The following PTPRN2 variants were observed in gnomAD, a reference collection of about 807,000 sequenced individuals.
The protein encoded by PTPRN2 is receptor-type tyrosine-protein phosphatase N2.
PTPRN2 carries 74 observed loss-of-function variants against 118.8 expected under a neutral mutation model. The ratio of observed to expected loss-of-function variants is 0.62; its 90% confidence interval spans 0.52 to 0.76. The LOEUF (loss-of-function observed/expected upper bound fraction) is 0.76. Among genes scored for constraint, PTPRN2 ranks in the 30% least tolerant of loss-of-function variants. The pLI is 0.00. For missense variants in PTPRN2, 1,481 were observed against 1,394.4 expected, an observed-to-expected ratio of 1.06 and a Z score of -0.99; for synonymous variants, 641 against 608.0, an observed-to-expected ratio of 1.05 and a Z score of -0.80.
intron 12 of PTPRN2, among the ~76,000 whole-genome samples, chr7:157,791,364 C>T (rs56914494): frequency 0.073 from 11,103 of 152,284 alleles, 1,309 homozygotes; most frequent in African/African-American, 0.24. Flanking sequence ...AATAAGCGCC[C>T]GCGTCCACAT....
At chr7:158,270,962 C>CA (rs1182318474) in intron 3 of PTPRN2, among the ~76,000 whole-genome samples, 2 of 39,472 alleles carry the variant, frequency 5.1e-5, no homozygotes, top group African/African-American at 1.2e-4. Flanking sequence ...TGGACCACCC[C>CA]TCCACCTGGA....
intron 12 of PTPRN2, among the ~76,000 whole-genome samples, chr7:157,804,042 T>A (rs572405369): frequency 1.3e-5 from 2 of 152,246 alleles, no homozygotes; most frequent in African/African-American, 2.4e-5. Context: ...ATAATATTGA[T>A]GTATCCTTAT....
At position 158,270,849 on chromosome 7, in the gene PTPRN2, ACCGCCCCC is replaced by A. The variant is rs1563067973; in HGVS notation, c.277+45962_277+45969del. ...CCACCTGGATGACCCCCTCACCTGG[ACCGCCCCC>A]CCACCTGGACCGCCCCCTCCACCTG... On this transcript the variant is annotated intron_variant, in intron 3 of 22. Transcript: ENST00000389418. 1.0e-3 allele frequency among the ~76,000 whole-genome samples: 8 copies of A among 7,852 alleles called. No individual in the cohort carries two copies. The Admixed American group carries it at 0.012, about 12-fold the overall frequency. The allele number at this position is 7,852 out of a possible 152,430, so 5.2% of individuals were successfully genotyped here.
chr7:158,149,369 A>T (rs1028010955), intron 6 of PTPRN2, among the ~76,000 whole-genome samples: 2 of 152,208 alleles, frequency 1.3e-5, no homozygotes, highest in African/African-American at 4.8e-5. Context: ...ATAAACTTAA[A>T]TCTAACCAGT....
At chr7:158,035,793 C>T (rs750259447) in intron 11 of PTPRN2, among the ~76,000 whole-genome samples, 1 of 152,268 alleles carries the variant, frequency 6.6e-6, no homozygotes, top group Non-Finnish European at 1.5e-5. Flanking sequence ...GTTGGAGGAA[C>T]CTTTCCAACA....
chr7:157,723,212 C>A (rs891370642), intron 12 of PTPRN2, among the ~76,000 whole-genome samples: 1 of 152,216 alleles, frequency 6.6e-6, no homozygotes, highest in Admixed American at 6.5e-5. Context: ...GGGGCCCTGA[C>A]GGACTGTCCC....
At chr7:157,643,145 A>G (rs1198436585) in intron 14 of PTPRN2, among the ~76,000 whole-genome samples, 2 of 152,256 alleles carry the variant, frequency 1.3e-5, no homozygotes, top group Non-Finnish European at 2.9e-5. Context: ...ACCATCTGTC[A>G]TACTAAAGAT....
intron 3 of PTPRN2, among the ~76,000 whole-genome samples, chr7:158,253,155 C>A (rs920620965): frequency 6.6e-6 from 1 of 152,194 alleles, no homozygotes; most frequent in African/African-American, 2.4e-5. Flanking sequence ...AATACATGAG[C>A]CTTTTCTTCT....
chr7:158,239,195 A>G (rs1391669298), intron 3 of PTPRN2, among the ~76,000 whole-genome samples: 1 of 152,220 alleles, frequency 6.6e-6, no homozygotes, highest in Admixed American at 6.5e-5. Flanking sequence ...TCCAAACAGC[A>G]GGATGGTGCA....
intron 12 of PTPRN2, among the ~76,000 whole-genome samples, chr7:157,717,028 G>T (rs971596951): frequency 8.0e-6 from 1 of 125,284 alleles, no homozygotes; most frequent in Non-Finnish European, 1.7e-5. Flanking sequence ...GCCTGGCCAC[G>T]TAGACTCTGC....
chr7:158,423,040 A>G (rs73520491), intron 2 of PTPRN2, among the ~76,000 whole-genome samples: 1 of 152,236 alleles, frequency 6.6e-6, no homozygotes, highest in Admixed American at 6.5e-5. Context: ...ACCCGAGACC[A>G]CAGGTGTTCC....
intron 2 of PTPRN2, among the ~76,000 whole-genome samples, chr7:158,412,254 A>T (rs1586610109): frequency 1.2e-5 from 1 of 81,846 alleles, no homozygotes; most frequent in Non-Finnish European, 2.3e-5. Flanking sequence ...CCATCTCAGC[A>T]CCCTCCTCAG....
intron 3 of PTPRN2, among the ~76,000 whole-genome samples, chr7:158,279,324 A>G (rs903519711): frequency 2.0e-5 from 3 of 152,140 alleles, no homozygotes; most frequent in Admixed American, 6.5e-5. Context: ...GACACAGAGC[A>G]CTGATGGGTG....
chr7:157,898,261 G>A (rs562568272), intron 12 of PTPRN2, among the ~76,000 whole-genome samples: 7 of 152,232 alleles, frequency 4.6e-5, no homozygotes, highest in Non-Finnish European at 1.0e-4. Context: ...CCAAATGTGC[G>A]TCCTTCGATA....
intron 12 of PTPRN2, among the ~76,000 whole-genome samples, chr7:157,695,916 A>G (rs1467754198): frequency 2.7e-5 from 4 of 150,878 alleles, no homozygotes; most frequent in East Asian, 2.0e-4. Flanking sequence ...AGCCCTCACC[A>G]TCTACCCATG....
intron 3 of PTPRN2, among the ~76,000 whole-genome samples, chr7:158,213,539 G>A (rs1332076466): frequency 2.6e-5 from 4 of 152,052 alleles, no homozygotes; most frequent in Admixed American, 6.6e-5. Context: ...AGTATAGGTC[G>A]CTGCAGAAAA....
intron 2 of PTPRN2, among the ~76,000 whole-genome samples, chr7:158,403,997 G>C (rs1159752642): frequency 6.6e-6 from 1 of 152,206 alleles, no homozygotes. Flanking sequence ...AGAAAAGGAA[G>C]TCCATTAGGA....
chr7:158,376,323 CCT>C (rs1188304808), intron 2 of PTPRN2, among the ~76,000 whole-genome samples: 22 of 151,054 alleles, frequency 1.5e-4, no homozygotes, highest in African/African-American at 5.1e-4. Context: ...CCCCCACGGC[CCT>C]GTCACACGTC....
chr7:157,769,405 G>T (rs1287097100), intron 12 of PTPRN2, among the ~76,000 whole-genome samples: 1 of 152,178 alleles, frequency 6.6e-6, no homozygotes, highest in African/African-American at 2.4e-5. Flanking sequence ...CATTGTCGGG[G>T]GGGCAGTTAA....
Sources: allele counts gnomAD v4.1 joint callset (sites outside exome capture counted in the v4.1 genomes callset), GRCh38; gene constraint gnomAD v4.1.1; transcripts MANE v1.5; gene names NCBI Gene and HGNC (gene_info 2026-07-23, HGNC 2026-07-21).